Variants in FOXP2 observed in about 807,000 individuals in gnomAD.
The protein encoded by FOXP2 is forkhead box P2.
In FOXP2, 12 loss-of-function variants were observed where a neutral mutation model predicts 115.8. The ratio of observed to expected loss-of-function variants is 0.10; its 90% CI spans 0.07 to 0.17. The LOEUF (loss-of-function observed/expected upper bound fraction) is 0.17. Among genes scored for constraint, FOXP2 ranks in the 10% least tolerant of loss-of-function variants. The pLI is 1.00. For synonymous variants in FOXP2, 328 were observed against 297.7 expected, an observed-to-expected ratio of 1.10 and a Z score of -1.05; for missense variants, 629 against 843.5, an observed-to-expected ratio of 0.75 and a Z score of 3.15.
At chr7:114,328,172 G>A (rs184363629) in intron 2 of FOXP2, among the ~76,000 whole-genome samples, 1 of 150,972 alleles carries the variant, frequency 6.6e-6, no homozygotes, top group Admixed American at 6.6e-5. Context: ...TCCTATCCCG[G>A]CCTCCCAAAG....
intron 1 of FOXP2, among the ~76,000 whole-genome samples, chr7:114,212,359 A>G (rs982836326): frequency 3.3e-5 from 5 of 152,048 alleles, no homozygotes; most frequent in African/African-American, 1.2e-4. Flanking sequence ...AATAAAATTC[A>G]CTTTTGTTGA....
chr7:114,660,725 A>T (rs767372139), intron 13 of FOXP2, among the ~76,000 whole-genome samples: 4 of 152,110 alleles, frequency 2.6e-5, no homozygotes, highest in Non-Finnish European at 4.4e-5. Flanking sequence ...TATGTTTTGG[A>T]GGGTTTTCAG....
At chr7:114,338,748 TCACACACACACACACACA>T (rs56411270) in intron 2 of FOXP2, among the ~76,000 whole-genome samples, 4 of 146,518 alleles carry the variant, frequency 2.7e-5, no homozygotes, top group Non-Finnish European at 4.6e-5. Context: ...GTCAAGATGT[TCACACACACACACACACA>T]CACACACACA....
intron 3 of FOXP2, chr7:114,570,891 A>C (rs1362219379): frequency 3.1e-6 from 5 of 1,610,642 alleles, no homozygotes; most frequent in East Asian, 2.2e-5. Context: ...AGTAAGTTAC[A>C]CTGGGCAATT....
rs564390022 is a variant in FOXP2, at chr7:114,399,813, C to T, written c.-10-26689C>T. 2.0e-5 allele frequency among the ~76,000 whole-genome samples: 3 copies of T among 151,152 alleles called. No individual in the cohort carries two copies. The East Asian group carries it at 5.8e-4, about 29-fold the overall frequency. On this transcript the variant is annotated intron_variant, in intron 2 of 17. Transcript: ENST00000634411. Reference sequence around the variant, plus strand: ...TATAAAGGGAGACAGAGAATACATCCAAACCTTAATTTCGAAGTGTCAAAA... The same window carrying T: ...TATAAAGGGAGACAGAGAATACATCTAAACCTTAATTTCGAAGTGTCAAAA...
At chr7:114,309,955 G>A (rs778851117) in intron 2 of FOXP2, among the ~76,000 whole-genome samples, 10 of 151,880 alleles carry the variant, frequency 6.6e-5, no homozygotes, top group Admixed American at 1.3e-4. Context: ...ATGAGCCACT[G>A]CACCTGGTGG....
At chr7:114,538,881 T>C (rs1799519988) in intron 3 of FOXP2, among the ~76,000 whole-genome samples, 1 of 151,852 alleles carries the variant, frequency 6.6e-6, no homozygotes, top group Non-Finnish European at 1.5e-5. Flanking sequence ...AAAGCCCATA[T>C]GTATGGAAAA....
intron 2 of FOXP2, among the ~76,000 whole-genome samples, chr7:114,498,341 A>T (rs930701234): frequency 5.3e-5 from 8 of 152,196 alleles, no homozygotes; most frequent in Admixed American, 5.2e-4. Flanking sequence ...TCTTGTTCAG[A>T]TCATTTTAAT....
chr7:114,332,863 T>C (rs1479940198), intron 2 of FOXP2, among the ~76,000 whole-genome samples: 1 of 152,144 alleles, frequency 6.6e-6, no homozygotes, highest in Non-Finnish European at 1.5e-5. Flanking sequence ...ATAAATCTTA[T>C]CCTAGGAGGA....
chr7:114,672,019 T>C (rs1807514928), intron 16 of FOXP2, among the ~76,000 whole-genome samples: 1 of 152,170 alleles, frequency 6.6e-6, no homozygotes, highest in South Asian at 2.1e-4. Flanking sequence ...TAGAATAGCA[T>C]TAAATAATTT....
At chr7:114,398,334 A>G (rs1333310406) in intron 2 of FOXP2, among the ~76,000 whole-genome samples, 1 of 152,174 alleles carries the variant, frequency 6.6e-6, no homozygotes, top group African/African-American at 2.4e-5. Context: ...TAAATAGACA[A>G]TAAATGAAAG....
rs1313038897 is a variant in FOXP2, at chr7:114,692,089, A to C, written c.*2163A>C. ...TTTACAATATGGTATTAAAAGAAAG[A>C]TGGGTATGGTGAAAGATGGTTTTCA... On this transcript the variant is annotated 3_prime_UTR_variant, in exon 17 of 17. Coordinates refer to ENST00000350908, the MANE Select transcript of FOXP2 (RefSeq NM_014491.4). 1 of 454,008 alleles carries C rather than the reference A, an allele frequency of 2.2e-6. No homozygotes were observed. The highest frequency in any genetic ancestry group is 4.4e-6 in the Non-Finnish European group (1 of 226,708). 28.1% of individuals were successfully genotyped at this position (454,008 alleles called of 1,614,324 possible).
intron 1 of FOXP2, among the ~76,000 whole-genome samples, chr7:114,216,161 A>G (rs1794479063): frequency 6.6e-6 from 1 of 152,178 alleles, no homozygotes; most frequent in African/African-American, 2.4e-5. Context: ...TGCCCCTCTT[A>G]TAGTAAGAAG....
At chr7:114,439,642 T>G (rs138613129) in intron 2 of FOXP2, among the ~76,000 whole-genome samples, 2 of 152,312 alleles carry the variant, frequency 1.3e-5, no homozygotes, top group African/African-American at 2.4e-5. Context: ...ACCTCCGGGC[T>G]AAAGCCATCA....
At chr7:114,149,751 G>A (rs1490684787) in intron 1 of FOXP2, among the ~76,000 whole-genome samples, 2 of 152,006 alleles carry the variant, frequency 1.3e-5, no homozygotes, top group Non-Finnish European at 2.9e-5. Flanking sequence ...GTTAAAATAA[G>A]TAAAAAGTAA....
intron 2 of FOXP2, among the ~76,000 whole-genome samples, chr7:114,376,103 C>T (rs1244978278): frequency 6.6e-6 from 1 of 152,088 alleles, no homozygotes; most frequent in Non-Finnish European, 1.5e-5. Context: ...AGATGACTCA[C>T]CATCATGTTT....
chr7:114,305,844 T>G (rs1562863336), intron 2 of FOXP2, among the ~76,000 whole-genome samples: 1 of 151,458 alleles, frequency 6.6e-6, no homozygotes. Flanking sequence ...GCTATTCCCA[T>G]TTTTGAAGTT....
intron 2 of FOXP2, among the ~76,000 whole-genome samples, chr7:114,388,547 T>C (rs972342694): frequency 6.6e-6 from 1 of 152,168 alleles, no homozygotes; most frequent in Non-Finnish European, 1.5e-5. Context: ...ATTACATCTT[T>C]CTTGCTGTTT....
chr7:114,630,115 T>C, intron 5 of FOXP2, 110 bp downstream of exon 5: 2 of 1,582,080 alleles, frequency 1.3e-6, no homozygotes, highest in South Asian at 1.1e-5. Context: ...CTGTCAAAGT[T>C]GCAGTATTAT....
Sources: allele counts gnomAD v4.1 joint callset (sites outside exome capture counted in the v4.1 genomes callset), GRCh38; gene constraint gnomAD v4.1.1; transcripts MANE v1.5; gene names NCBI Gene and HGNC (gene_info 2026-07-23, HGNC 2026-07-21).